Variants in CNTN4 observed in about 807,000 individuals in gnomAD.
CNTN4 encodes contactin-4.
CNTN4 carries 77 observed loss-of-function variants against 122.5 expected under a neutral mutation model. The observed-to-expected ratio is 0.63, with a 90% CI of 0.52 to 0.76. The LOEUF (loss-of-function observed/expected upper bound fraction) is 0.76, where lower values mean the gene tolerates loss of function less well. Ranked by LOEUF, CNTN4 falls within the 30% of genes least tolerant of loss-of-function variation. The probability of loss-of-function intolerance (pLI) is 0.00; values close to 1 mark genes in which losing one functional copy is unlikely to be tolerated. For missense variants in CNTN4, 1,256 were observed against 1,259.1 expected, an observed-to-expected ratio of 1.00 and a Z score of 0.04; for synonymous variants, 512 against 447.0, an observed-to-expected ratio of 1.15 and a Z score of -1.83.
intron 4 of CNTN4, among the ~76,000 whole-genome samples, chr3:2,632,085 C>CAT (rs1553597783): frequency 1.3e-5 from 2 of 150,140 alleles, no homozygotes; most frequent in African/African-American, 4.9e-5. Flanking sequence ...CACACACACA[C>CAT]GTGTGTGTAT....
chr3:3,052,245 C>T (rs1701341600), intron 23 of CNTN4, among the ~76,000 whole-genome samples: 1 of 152,190 alleles, frequency 6.6e-6, no homozygotes, highest in Non-Finnish European at 1.5e-5. Flanking sequence ...ACAGTCAACA[C>T]TTTGAGCTAG....
At chr3:2,619,457 A>T (rs947908032) in intron 4 of CNTN4, among the ~76,000 whole-genome samples, 2 of 152,214 alleles carry the variant, frequency 1.3e-5, no homozygotes, top group African/African-American at 4.8e-5. Context: ...TTATCCATCT[A>T]TGGGGAAAAT....
At chr3:2,534,837 T>TGCTGCTGCTGCTGCTGC (rs1435013675) in intron 3 of CNTN4, among the ~76,000 whole-genome samples, 7 of 50,136 alleles carry the variant, frequency 1.4e-4, no homozygotes, top group East Asian at 2.4e-4. Flanking sequence ...GCTGCTGCTG[T>TGCTGCTGCTGCTGCTGC]TGCTGTTATT....
At chr3:2,571,780 A>G (rs976106434) in intron 4 of CNTN4, among the ~76,000 whole-genome samples, 2 of 152,134 alleles carry the variant, frequency 1.3e-5, no homozygotes, top group Non-Finnish European at 2.9e-5. Flanking sequence ...TCACCTGTCT[A>G]TCTGGTCCTT....
At chr3:2,632,014 G>T (rs2082461343) in intron 4 of CNTN4, among the ~76,000 whole-genome samples, 2 of 151,724 alleles carry the variant, frequency 1.3e-5, no homozygotes, top group African/African-American at 4.8e-5. Flanking sequence ...TTGCACTACT[G>T]CACTTCACCC....
intron 4 of CNTN4, among the ~76,000 whole-genome samples, chr3:2,662,161 T>G (rs934329877): frequency 4.6e-5 from 7 of 152,218 alleles, no homozygotes; most frequent in African/African-American, 1.7e-4. Context: ...TAATACAGTT[T>G]AGTAATTAGT....
At chr3:2,833,813 T>A (rs1234479641) in intron 7 of CNTN4, among the ~76,000 whole-genome samples, 1 of 152,180 alleles carries the variant, frequency 6.6e-6, no homozygotes, top group African/African-American at 2.4e-5. Flanking sequence ...ATATATTCTG[T>A]TATGTTTGTG....
chr3:2,327,090 A>G (rs1482263769), intron 2 of CNTN4, among the ~76,000 whole-genome samples: 1 of 151,934 alleles, frequency 6.6e-6, no homozygotes, highest in Non-Finnish European at 1.5e-5. Flanking sequence ...AATTTGGGGA[A>G]ATTTCATCAA....
chr3:2,546,719 G>T (rs915580276), intron 3 of CNTN4, among the ~76,000 whole-genome samples: 1 of 152,060 alleles, frequency 6.6e-6, no homozygotes, highest in Admixed American at 6.6e-5. Flanking sequence ...GTTCAATTAA[G>T]TACAGATATT....
At chr3:2,231,424 A>G (rs559470315) in intron 2 of CNTN4, among the ~76,000 whole-genome samples, 3 of 152,202 alleles carry the variant, frequency 2.0e-5, no homozygotes, top group Non-Finnish European at 4.4e-5. Context: ...GTTTAAATGT[A>G]AATGTCTTTT....
chr3:2,531,429 A>C (rs567277837), intron 3 of CNTN4, among the ~76,000 whole-genome samples: 3 of 152,196 alleles, frequency 2.0e-5, no homozygotes, highest in Non-Finnish European at 4.4e-5. Context: ...GACCTTCTCC[A>C]TCTCCATTGT....
chr3:2,575,880 G>T (rs1329740824), intron 4 of CNTN4, among the ~76,000 whole-genome samples: 3 of 141,232 alleles, frequency 2.1e-5, no homozygotes, highest in East Asian at 2.1e-4. Context: ...GGAGTGCAGG[G>T]GTGTGATCTC....
chr3:2,600,008 C>CTTT lies in CNTN4; in HGVS notation c.55+28475_55+28477dup, dbSNP rs71058630. 5.7e-4 allele frequency among the ~76,000 whole-genome samples: 24 copies of CTTT among 41,756 alleles called. 3 individuals carry two copies. The highest frequency in any genetic ancestry group is 9.2e-4 in the Non-Finnish European group (23 of 24,898). The allele number at this position is 41,756 out of a possible 152,430, so 27.4% of individuals were successfully genotyped here. A position where few individuals can be genotyped will look rare whatever the true frequency, so the allele number is the denominator to read the frequency against. Reference sequence around the variant, plus strand: ...CTCTATTTTGGTTTATGGAATTCTTCTTTTTTTTTTTTTTTTTTTTTTTTT... The same window carrying CTTT: ...CTCTATTTTGGTTTATGGAATTCTTCTTTTTTTTTTTTTTTTTTTTTTTTTTTT... On this transcript the variant is annotated intron_variant, in intron 4 of 24. Coordinates refer to ENST00000418658, the MANE Select transcript of CNTN4 (RefSeq NM_175607.3).
At chr3:2,816,362 TAAAAA>T (rs942547179) in intron 6 of CNTN4, among the ~76,000 whole-genome samples, 5 of 148,440 alleles carry the variant, frequency 3.4e-5, no homozygotes, top group East Asian at 3.9e-4. Flanking sequence ...TCAAAAAAAA[TAAAAA>T]AAATAAATAA....
intron 3 of CNTN4, among the ~76,000 whole-genome samples, chr3:2,364,081 T>A (rs772014770): frequency 2.0e-5 from 3 of 152,086 alleles, no homozygotes. Context: ...TCAATATGAC[T>A]CCTTAACCTT....
At chr3:2,720,893 T>C (rs1232049021) in intron 4 of CNTN4, among the ~76,000 whole-genome samples, 1 of 152,214 alleles carries the variant, frequency 6.6e-6, no homozygotes, top group East Asian at 1.9e-4. Flanking sequence ...CAATGTTGCA[T>C]AGTGGTAGAG....
intron 3 of CNTN4, among the ~76,000 whole-genome samples, chr3:2,342,883 A>G (rs1575418452): frequency 1.3e-5 from 2 of 152,228 alleles, no homozygotes; most frequent in South Asian, 2.1e-4. Flanking sequence ...AGGCAAAACT[A>G]TAGAGACAGA....
chr3:3,040,804 G>A (rs1700095930), intron 20 of CNTN4, among the ~76,000 whole-genome samples: 1 of 152,030 alleles, frequency 6.6e-6, no homozygotes, highest in Admixed American at 6.6e-5. Context: ...GCACATCCCT[G>A]TAATCCCAGC....
intron 2 of CNTN4, among the ~76,000 whole-genome samples, chr3:2,151,994 G>C (rs1046821153): frequency 1.5e-4 from 23 of 152,218 alleles, no homozygotes; most frequent in Admixed American, 6.5e-5. Context: ...AGTAAATTAT[G>C]TACAATATTA....
Sources: allele counts gnomAD v4.1 joint callset (sites outside exome capture counted in the v4.1 genomes callset), GRCh38; gene constraint gnomAD v4.1.1; transcripts MANE v1.5; gene names NCBI Gene and HGNC (gene_info 2026-07-23, HGNC 2026-07-21).